Variants in RUNX3 observed in about 807,000 individuals in gnomAD.
RUNX3 encodes runt-related transcription factor 3.
RUNX3 carries 10 observed loss-of-function variants against 27.7 expected under a neutral mutation model. The observed-to-expected ratio is 0.36, with a 90% CI of 0.22 to 0.61. The LOEUF (loss-of-function observed/expected upper bound fraction) is 0.61. Ranked by LOEUF, RUNX3 falls within the 20% of genes least tolerant of loss-of-function variation. The pLI is 0.72. For synonymous variants in RUNX3, 270 were observed against 269.2 expected, an observed-to-expected ratio of 1.00 and a Z score of -0.03; for missense variants, 469 against 629.5, an observed-to-expected ratio of 0.75 and a Z score of 2.73.
chr1:24,961,296 GA>G (rs1363575924), intron 2 of RUNX3: 4 of 152,278 alleles, frequency 2.6e-5, no homozygotes, highest in African/African-American at 9.7e-5. Context: ...CCTGAAGGCA[GA>G]GGCATGGATG....
chr1:24,919,369 A>C (rs761022136), intron 2 of RUNX3, 25 bp from the exon 3 acceptor site: 1 of 1,543,808 alleles, frequency 6.5e-7, no homozygotes, highest in South Asian at 1.1e-5. Flanking sequence ...GAATAGAGGC[A>C]GGTGGTTGGC....
chr1:24,935,525 C>G (rs996948200), intron 2 of RUNX3, among the ~76,000 whole-genome samples: 12 of 152,174 alleles, frequency 7.9e-5, no homozygotes, highest in Admixed American at 7.9e-4. Flanking sequence ...GAAAGGGAGG[C>G]AAGGACGGAG....
chr1:24,925,816 C>T (rs1317960172), intron 2 of RUNX3, among the ~76,000 whole-genome samples: 2 of 152,120 alleles, frequency 1.3e-5, no homozygotes. Flanking sequence ...TCTCCCAGAG[C>T]CACAGTCCCA....
intron 1 of RUNX3, chr1:24,964,714 T>C: frequency 1.3e-6 from 2 of 1,487,428 alleles, no homozygotes; most frequent in Non-Finnish European, 1.8e-6. Flanking sequence ...TTGTTTTTTG[T>C]TTTGTTTTTG....
chr1:24,926,374 G>A (rs1182671866), intron 2 of RUNX3, among the ~76,000 whole-genome samples: 5 of 152,232 alleles, frequency 3.3e-5, no homozygotes, highest in African/African-American at 9.6e-5. Context: ...TAAGGGCACC[G>A]TTTGAAAGAA....
Position 24,901,836 on chromosome 1 carries a change from G to C in RUNX3, c.*286C>G, listed in dbSNP as rs909267336. The stretch of plus-strand genomic sequence containing the variant: ...GCTGGAGACAGTGAGGTCCTTCCGG[G>C]GGGGTGGCAGGAGGCTGATTCCCCA... On this transcript the variant is annotated 3_prime_UTR_variant, in exon 5 of 5. Transcript: ENST00000308873. 2.5e-5 allele frequency: 11 copies of C among 445,268 alleles called. No homozygotes were observed. In the Admixed American group the frequency reaches 2.6e-4, roughly 11 times the overall value. The allele number at this position is 445,268 out of a possible 1,614,324, so 27.6% of individuals were successfully genotyped here. A position where few individuals can be genotyped will look rare whatever the true frequency, so the allele number is the denominator to read the frequency against.
rs1365195139 is a variant in RUNX3, at chr1:24,943,990, T to C, written c.59-14138A>G. On this transcript the variant is annotated intron_variant, in intron 2 of 6. Transcript: ENST00000338888. This position sits in a 1 kb window ranked among gnomAD's most constrained non-coding sequence, Gnocchi z 4.6. ...GTTGTGGGAGGTGAGACTGTGCCCC[T>C]CTCTGCCATAAAATATCTCTTTACT... Among the ~76,000 whole-genome samples the C allele has an allele frequency of 6.6e-6, 1 of 152,154 alleles. No homozygotes were observed. Among genetic ancestry groups the C allele is most frequent in the African/African-American group, 2.4e-5 (1 of 41,422 alleles).
chr1:24,942,760 C>A lies in RUNX3; in HGVS notation c.59-12908G>T, dbSNP rs76242143. Among the ~76,000 whole-genome samples the A allele has an allele frequency of 6.7e-3, 1,016 of 152,362 alleles. 8 individuals carry two copies. Among genetic ancestry groups the A allele is most frequent in the African/African-American group, 0.023 (970 of 41,584 alleles). ...ATGGGGTGAGCCTAAGTAGCCTGAC[C>A]TGCAGTGCAGGAAACTGAGGCTAGA... is the stretch of plus-strand genomic sequence containing the variant. On this transcript the variant is annotated intron_variant, in intron 2 of 6. Coordinates refer to the RUNX3 transcript ENST00000338888.
chr1:24,919,416 T>C, intron 2 of RUNX3, 72 bp from the exon 3 acceptor site: 1 of 979,406 alleles, frequency 1.0e-6, no homozygotes, highest in Non-Finnish European at 1.6e-6. Context: ...CTCCCACCTG[T>C]ATCTACCCCT....
At position 24,930,257 on chromosome 1, in the gene RUNX3, A is replaced by G. The variant is rs1172116269; in HGVS notation, c.-389T>C. On this transcript the variant is annotated 5_prime_UTR_variant, in exon 1 of 5. Coordinates refer to ENST00000308873, the MANE Select transcript of RUNX3 (RefSeq NM_004350.3). This position sits in a 1 kb window ranked among gnomAD's most constrained non-coding sequence, Gnocchi z 4.1. ...CTCCGCGGCCGCAGCCCCAGAACAA[A>G]TCCTCCAGAATCAAGTGGCGGGGCC... 1 of 979,454 alleles carries G rather than the reference A, an allele frequency of 1.0e-6. No homozygotes were observed. Among genetic ancestry groups the G allele is most frequent in the Non-Finnish European group, 1.2e-6 (1 of 826,094 alleles). The allele number at this position is 979,454 out of a possible 1,614,324, so 60.7% of individuals were successfully genotyped here. A position where few individuals can be genotyped will look rare whatever the true frequency, so the allele number is the denominator to read the frequency against.
intron 3 of RUNX3, among the ~76,000 whole-genome samples, chr1:24,914,394 C>T (rs773250941): frequency 1.1e-4 from 16 of 152,230 alleles, no homozygotes; most frequent in Admixed American, 2.6e-4. Context: ...GCCGGCTCTG[C>T]GGCCTGTCAG....
upstream of RUNX3, among the ~76,000 whole-genome samples, chr1:24,934,490 T>A (rs1317973265): frequency 1.3e-5 from 2 of 152,188 alleles, no homozygotes; most frequent in African/African-American, 4.8e-5. Context: ...TTTTGCCTGG[T>A]GTCCACGCTC....
At chr1:24,921,894 C>T (rs1376989813) in intron 2 of RUNX3, among the ~76,000 whole-genome samples, 1 of 152,232 alleles carries the variant, frequency 6.6e-6, no homozygotes, top group Non-Finnish European at 1.5e-5. Context: ...TCCTTCAGGT[C>T]GCCCACCTTC....
chr1:24,923,593 G>C lies in RUNX3; in HGVS notation c.439+3981C>G, dbSNP rs192749348. On this transcript the variant is annotated intron_variant, in intron 2 of 4. Transcript: ENST00000308873. The surrounding 1 kb of genome is among the most constrained non-coding windows in gnomAD (Gnocchi z 5.9). ...CTCCAGGACCCATCATCAACCAGCC[G>C]GGGTGGCAGCAGGGCCTCAGGCAAG... Among the ~76,000 whole-genome samples the C allele has an allele frequency of 6.6e-6, 1 of 152,116 alleles. No homozygotes were observed. Among genetic ancestry groups the C allele is most frequent in the Non-Finnish European group, 1.5e-5 (1 of 68,006 alleles).
chr1:24,952,396 G>A (rs548864163), intron 2 of RUNX3, among the ~76,000 whole-genome samples: 45 of 152,270 alleles, frequency 3.0e-4, no homozygotes, highest in Non-Finnish European at 6.3e-4. Flanking sequence ...GCCCAACAAG[G>A]TAGCCATTAG....
In RUNX3 at chr1:24,962,415, G is replaced by C. The variant is rs533625868; in HGVS notation, c.58+2099C>G. Among the ~76,000 whole-genome samples, 3 of 152,312 alleles carry C rather than the reference G, an allele frequency of 2.0e-5. No individual in the cohort carries two copies. Among genetic ancestry groups the C allele is most frequent in the Admixed American group, 6.5e-5 (1 of 15,300 alleles). On this transcript the variant is annotated intron_variant, in intron 2 of 6. Coordinates refer to the RUNX3 transcript ENST00000338888. The surrounding 1 kb of genome is among the most constrained non-coding windows in gnomAD (Gnocchi z 4.5). ...GGTCGGTGGGTTAGGGACCCTGTAG[G>C]GGGCAGCGTGGGGTTGGCACCCTGC...
chr1:24,964,209 A>T (rs943309835), intron 2 of RUNX3, among the ~76,000 whole-genome samples: 1 of 152,126 alleles, frequency 6.6e-6, no homozygotes, highest in Non-Finnish European at 1.5e-5. Flanking sequence ...CAGCAAGCCG[A>T]GGGTCCCTGA....
chr1:24,908,133 T>TGATCCAAACCTCTAC (rs1640714024), intron 3 of RUNX3, among the ~76,000 whole-genome samples: 6 of 84,536 alleles, frequency 7.1e-5, no homozygotes, highest in Non-Finnish European at 1.2e-4. Context: ...CAAACCTCTA[T>TGATCCAAACCTCTAC]GACACGCGGT....
At chr1:24,907,159 A>T in intron 4 of RUNX3, 100 bp downstream of exon 4, 1 of 1,257,812 alleles carries the variant, frequency 8.0e-7, no homozygotes, top group Non-Finnish European at 1.1e-6. Flanking sequence ...GGGTGCAGTG[A>T]CTGATCTTCG....
Sources: gnomAD v4.1 joint callset for allele counts (sites outside exome capture counted in the v4.1 genomes callset) on GRCh38, gnomAD v4.1.1 for gene constraint, Gnocchi (gnomAD v3.1) non-coding constraint, MANE v1.5 for transcripts, NCBI Gene and HGNC (gene_info 2026-07-23, HGNC 2026-07-21) for gene names.